The following EGFLAM variants were observed in gnomAD, a reference collection of about 807,000 sequenced individuals.
The protein encoded by EGFLAM is EGF like, fibronectin type III and laminin G domains, also known as pikachurin.
Under a neutral mutation model 113.1 loss-of-function variants are expected in EGFLAM, and 79 were observed. The observed-to-expected ratio is 0.70, with a 90% CI of 0.58 to 0.84. The LOEUF (loss-of-function observed/expected upper bound fraction) is 0.84, where lower values mean the gene tolerates loss of function less well. Among genes scored for constraint, EGFLAM ranks in the 40% least tolerant of loss-of-function variants. The probability of loss-of-function intolerance (pLI) is 0.00; values close to 1 mark genes in which losing one functional copy is unlikely to be tolerated. For missense variants in EGFLAM, 1,265 were observed against 1,291.6 expected (o/e 0.98, Z 0.32); for synonymous variants, 504 against 487.6 (o/e 1.03, Z -0.44).
In EGFLAM at chr5:38,406,253, C is replaced by A. The variant is rs1397626096; in HGVS notation, c.828+12C>A. On this transcript the variant is annotated intron_variant, in intron 7 of 21. Transcript: ENST00000322350. ...TTTCCTTTGAGGAGGTAACAATAAT[C>A]TCTGCTCTTAAAACCCAGGGTGTTT... is the stretch of plus-strand genomic sequence containing the variant. 2 of 1,609,446 alleles carry A rather than the reference C, an allele frequency of 1.2e-6. No individual in the cohort carries two copies. The highest frequency in any genetic ancestry group is 3.3e-5 in the Admixed American group (2 of 59,926).
intron 15 of EGFLAM, among the ~76,000 whole-genome samples, chr5:38,433,144 G>A (rs1742239343): frequency 6.6e-6 from 1 of 152,244 alleles, no homozygotes. Context: ...CATGTTCGAA[G>A]TGTGGCTGAC....
chr5:38,448,269 C>A (rs757523738), intron 17 of EGFLAM, 32 bp from the exon 18 acceptor site: 5 of 1,612,992 alleles, frequency 3.1e-6, no homozygotes, highest in Non-Finnish European at 4.2e-6. Flanking sequence ...GAACCACATA[C>A]TATGTAACCT....
At chr5:38,388,581 T>TAAAA (rs529025586) in intron 6 of EGFLAM, among the ~76,000 whole-genome samples, 2,500 of 151,238 alleles carry the variant, frequency 0.017, 98 homozygotes, top group African/African-American at 0.058. Context: ...CCATCTCTAC[T>TAAAA]AAAAAAATAT....
chr5:38,336,546 C>T (rs1259387559), intron 1 of EGFLAM, among the ~76,000 whole-genome samples: 1 of 141,972 alleles, frequency 7.0e-6, no homozygotes, highest in Non-Finnish European at 1.5e-5. Flanking sequence ...TGTACTCCAG[C>T]CTGGGCGACA....
At chr5:38,417,377 A>C (rs1196460549) in intron 11 of EGFLAM, among the ~76,000 whole-genome samples, 1 of 151,686 alleles carries the variant, frequency 6.6e-6, no homozygotes, top group African/African-American at 2.4e-5. Context: ...AAACAAAAAA[A>C]AAAGGCCAAG....
At position 38,338,741 on chromosome 5, in the gene EGFLAM, A is replaced by G. The variant is rs77586117; in HGVS notation, c.251A>G (p.Gln84Arg). 2,971 of 1,614,274 alleles carry G rather than the reference A, an allele frequency of 1.8e-3. 43 individuals carry two copies. In the African/African-American group the frequency reaches 0.035, roughly 19 times the overall value. ...EVGADKSLQE[Q>R]LHSVPLSRDI... ...GGCGCAGATAAATCCCTGCAGGAGC[A>G]GTTGCACAGCGTGCCTCTCAGCCGG... Residue 84 changes from glutamine (Q) to arginine (R), a missense_variant, in exon 3 of 22, where the codon CAG becomes CGG. Gln to Arg is a conservative substitution (Grantham distance 43). Transcript: ENST00000322350.
chr5:38,338,708 C>G lies in EGFLAM; in HGVS notation c.218C>G (p.Ser73Cys), dbSNP rs1274065905. Residue 73 changes from serine (S) to cysteine (C), a missense_variant, in exon 3 of 22, where the codon TCT becomes TGT. Ser to Cys is a moderately radical substitution (Grantham distance 112). Coordinates refer to ENST00000322350, the MANE Select transcript of EGFLAM (RefSeq NM_152403.4). ...CTGCATCTTTTCAAGGTCTTTTACT[C>G]TGAGGTTGGCGCAGATAAATCCCTG... ...SPILGYTVFY[S>C]EVGADKSLQE... 6.2e-7 allele frequency: 1 copy of G among 1,614,196 alleles called. No homozygotes were observed. The highest frequency in any genetic ancestry group is 1.7e-5 in the Admixed American group (1 of 60,026).
intron 1 of EGFLAM, among the ~76,000 whole-genome samples, chr5:38,273,905 G>A (rs1158408040): frequency 1.3e-5 from 2 of 152,066 alleles, no homozygotes; most frequent in Non-Finnish European, 2.9e-5. Context: ...TGAACTTCCT[G>A]ACAAAAAATT....
At chr5:38,278,915 G>C (rs1757953548) in intron 1 of EGFLAM, among the ~76,000 whole-genome samples, 1 of 152,042 alleles carries the variant, frequency 6.6e-6, no homozygotes, top group Non-Finnish European at 1.5e-5. Context: ...ACATTCAACA[G>C]AGTGAACAGA....
intron 5 of EGFLAM, among the ~76,000 whole-genome samples, chr5:38,368,240 T>G (rs1740114429): frequency 6.6e-6 from 1 of 152,236 alleles, no homozygotes; most frequent in Admixed American, 6.5e-5. Context: ...TAATTTGAGT[T>G]TGTAAATGTG....
chr5:38,289,722 A>G (rs926339044), intron 1 of EGFLAM, among the ~76,000 whole-genome samples: 1 of 152,196 alleles, frequency 6.6e-6, no homozygotes, highest in African/African-American at 2.4e-5. Context: ...GATATCCTAC[A>G]CTGAAGGCAA....
intron 1 of EGFLAM, among the ~76,000 whole-genome samples, chr5:38,288,656 A>G (rs1045152824): frequency 3.9e-5 from 6 of 152,246 alleles, no homozygotes; most frequent in East Asian, 1.9e-4. Context: ...GTTCAGTTAC[A>G]TAATGAAGCT....
At chr5:38,353,967 T>C (rs1739697592) in intron 5 of EGFLAM, among the ~76,000 whole-genome samples, 1 of 152,198 alleles carries the variant, frequency 6.6e-6, no homozygotes, top group Non-Finnish European at 1.5e-5. Context: ...CACAAGTCAC[T>C]GTGACCCGAG....
In EGFLAM at chr5:38,463,885, G is replaced by A. The variant is rs371582383; in HGVS notation, c.2929G>A (p.Val977Met). ...TAACAGGCAATATATGAGAGGGCTC[G>A]TGGGCTGTATCTCTCACTTCACCCT... ...HTNRQYMRGL[V>M]GCISHFTLST... is the part of the protein sequence containing the mutation. The change falls in exon 22 of 22, where the codon GTG becomes ATG. Residue 977 changes from valine to methionine, a missense_variant. Transcript: ENST00000322350. 3.2e-5 allele frequency: 52 copies of A among 1,614,082 alleles called. No homozygotes were observed. The highest frequency in any genetic ancestry group is 1.8e-4 in the East Asian group (8 of 44,896).
rs895564628 is a variant in EGFLAM, at chr5:38,258,669, G to C, written c.-86G>C. On this transcript the variant is annotated 5_prime_UTR_variant, in exon 1 of 22. Transcript: ENST00000322350. ...CCTCGCCCCGGCCCGGGGATCCGTT[G>C]GGGCCGCGTCCCCCACGCGCCCCCG... is the stretch of plus-strand genomic sequence containing the variant. The C allele has an allele frequency of 1.5e-5, 22 of 1,459,974 alleles. No individual in the cohort carries two copies. Among genetic ancestry groups the C allele is most frequent in the Non-Finnish European group, 1.9e-5 (20 of 1,064,464 alleles). 90.4% of individuals were successfully genotyped at this position (1,459,974 alleles called of 1,614,324 possible). A position where few individuals can be genotyped will look rare whatever the true frequency, so the allele number is the denominator to read the frequency against.
intron 17 of EGFLAM, among the ~76,000 whole-genome samples, chr5:38,442,289 AT>A (rs1284505417): frequency 4.0e-5 from 6 of 148,594 alleles, no homozygotes; most frequent in African/African-American, 1.2e-4. Context: ...CATTTATTAT[AT>A]TAAAAATTAA....
chr5:38,406,063 G>A (rs775974151), intron 6 of EGFLAM, 63 bp from the exon 7 acceptor site: 2 of 1,312,920 alleles, frequency 1.5e-6, no homozygotes, highest in Non-Finnish European at 2.2e-6. Flanking sequence ...GGCTGAGTTA[G>A]GCTAGACAAT....
chr5:38,457,366 G>A (rs1343868692), intron 19 of EGFLAM, among the ~76,000 whole-genome samples: 1 of 152,162 alleles, frequency 6.6e-6, no homozygotes, highest in Non-Finnish European at 1.5e-5. Flanking sequence ...GCAGTGCAAG[G>A]GTTGGCTTCT....
intron 1 of EGFLAM, among the ~76,000 whole-genome samples, chr5:38,280,194 T>C (rs939499324): frequency 6.6e-6 from 1 of 152,240 alleles, no homozygotes; most frequent in African/African-American, 2.4e-5. Flanking sequence ...TGGAAAAATA[T>C]GAACTACCAA....
Sources: gnomAD v4.1 joint callset for allele counts (sites outside exome capture counted in the v4.1 genomes callset) on GRCh38, gnomAD v4.1.1 for gene constraint, MANE v1.5 for transcripts, NCBI Gene and HGNC (gene_info 2026-07-23, HGNC 2026-07-21) for gene names.